Variants in SBF2 observed in about 807,000 individuals in gnomAD.
The protein encoded by SBF2 is SET binding factor 2, also known as myotubularin-related protein 13.
SBF2 carries 112 observed loss-of-function variants against 225.2 expected under a neutral mutation model. The observed-to-expected ratio is 0.50, with a 90% CI of 0.43 to 0.58. The LOEUF (loss-of-function observed/expected upper bound fraction) is 0.58, where lower values mean the gene tolerates loss of function less well. Ranked by LOEUF, SBF2 falls within the 20% of genes least tolerant of loss-of-function variation. The pLI, the probability that SBF2 is intolerant of heterozygous loss-of-function variation, is 0.00. For missense variants in SBF2, 1,996 were observed against 2,206.2 expected, an observed-to-expected ratio of 0.90 and a Z score of 1.91; for synonymous variants, 763 against 773.3, an observed-to-expected ratio of 0.99 and a Z score of 0.22.
chr11:10,170,567 T>C (rs1040798024), intron 2 of SBF2, among the ~76,000 whole-genome samples: 3 of 152,234 alleles, frequency 2.0e-5, no homozygotes, highest in African/African-American at 4.8e-5. Context: ...ATGTAATTCT[T>C]CCAGTTTTTT....
At chr11:10,233,524 C>T (rs753436238) in intron 1 of SBF2, among the ~76,000 whole-genome samples, 12 of 150,934 alleles carry the variant, frequency 8.0e-5, no homozygotes, top group Non-Finnish European at 1.6e-4. Flanking sequence ...TTTTCTTAAC[C>T]TCTTGGTGTA....
intron 10 of SBF2, among the ~76,000 whole-genome samples, chr11:9,993,659 G>A (rs1044606769): frequency 1.2e-4 from 19 of 152,152 alleles, no homozygotes; most frequent in African/African-American, 3.9e-4. Context: ...TCTAGGCTCT[G>A]ATTTTCTGTC....
At chr11:10,123,149 C>T (rs886300509) in intron 2 of SBF2, among the ~76,000 whole-genome samples, 5 of 152,080 alleles carry the variant, frequency 3.3e-5, no homozygotes, top group African/African-American at 1.2e-4. Flanking sequence ...AAGGAAACAT[C>T]AGGGTTAGAG....
chr11:10,220,857 A>G (rs1020962506), intron 1 of SBF2, among the ~76,000 whole-genome samples: 2 of 152,040 alleles, frequency 1.3e-5, no homozygotes, highest in Non-Finnish European at 2.9e-5. Flanking sequence ...CCCCACATAC[A>G]TATTTGTGTT....
At chr11:9,796,451 A>G (rs964388870) in intron 32 of SBF2, among the ~76,000 whole-genome samples, 1 of 152,218 alleles carries the variant, frequency 6.6e-6, no homozygotes, top group African/African-American at 2.4e-5. Context: ...ACATACAACA[A>G]GAAAAATTGT....
intron 16 of SBF2, among the ~76,000 whole-genome samples, chr11:9,931,370 G>T (rs1300098955): frequency 6.6e-6 from 1 of 152,230 alleles, no homozygotes; most frequent in Non-Finnish European, 1.5e-5. Flanking sequence ...ACAGACACCT[G>T]ATATAGATGG....
At chr11:9,857,009 G>A (rs1280353539) in intron 18 of SBF2, among the ~76,000 whole-genome samples, 1 of 152,026 alleles carries the variant, frequency 6.6e-6, no homozygotes, top group Non-Finnish European at 1.5e-5. Flanking sequence ...GGATGGTCTC[G>A]ATCTCCTGAC....
intron 27 of SBF2, among the ~76,000 whole-genome samples, chr11:9,831,280 T>A (rs1300864995): frequency 1.3e-5 from 2 of 152,244 alleles, no homozygotes; most frequent in Non-Finnish European, 2.9e-5. Context: ...ACTACAGGCA[T>A]GAGCCATTGC....
Position 9,807,059 on chromosome 11 carries a change from T to A in SBF2, c.4443+941A>T, listed in dbSNP as rs190741353. Reference sequence around the variant, plus strand: ...CCTGAAAACATAGTTCTGCCTTTCTTTCCAATCGATATTTGAGGCCAGTGT... The same window carrying A: ...CCTGAAAACATAGTTCTGCCTTTCTATCCAATCGATATTTGAGGCCAGTGT... On this transcript the variant is annotated intron_variant, in intron 32 of 39. Coordinates refer to ENST00000256190, the MANE Select transcript of SBF2 (RefSeq NM_030962.4). Among the ~76,000 whole-genome samples, 5 of 152,326 alleles carry A rather than the reference T, an allele frequency of 3.3e-5. No individual in the cohort carries two copies. In the East Asian group the frequency reaches 7.7e-4, roughly 24 times the overall value.
At chr11:10,241,978 A>G (rs1959246494) in intron 1 of SBF2, among the ~76,000 whole-genome samples, 1 of 151,366 alleles carries the variant, frequency 6.6e-6, no homozygotes, top group South Asian at 2.1e-4. Context: ...CACCAGACTG[A>G]CCCTACTCCC....
At chr11:9,935,560 T>C (rs2134275099) in intron 16 of SBF2, among the ~76,000 whole-genome samples, 1 of 152,260 alleles carries the variant, frequency 6.6e-6, no homozygotes, top group East Asian at 1.9e-4. Context: ...CAAACTATAC[T>C]ACAAGGCTAC....
intron 1 of SBF2, chr11:10,272,378 C>G (rs373962670): frequency 1.9e-6 from 1 of 521,974 alleles, no homozygotes; most frequent in South Asian, 2.8e-5. Flanking sequence ...ACACAATTTC[C>G]TTAAGTCTTG....
At chr11:10,214,567 G>A (rs946686245) in intron 1 of SBF2, among the ~76,000 whole-genome samples, 10 of 152,152 alleles carry the variant, frequency 6.6e-5, no homozygotes, top group African/African-American at 2.4e-4. Flanking sequence ...AGGTTGCAGT[G>A]AGCCAAGATG....
chr11:10,205,390 T>C (rs1368272687), intron 1 of SBF2, among the ~76,000 whole-genome samples: 1 of 151,942 alleles, frequency 6.6e-6, no homozygotes, highest in African/African-American at 2.4e-5. Flanking sequence ...TATAAGCCTA[T>C]AAATAACACA....
At chr11:10,234,222 T>C (rs1361009307) in intron 1 of SBF2, among the ~76,000 whole-genome samples, 1 of 152,226 alleles carries the variant, frequency 6.6e-6, no homozygotes, top group Non-Finnish European at 1.5e-5. Context: ...GAGATGTTGG[T>C]TGAGGTAGTT....
chr11:10,047,441 T>G (rs184771738), intron 2 of SBF2, among the ~76,000 whole-genome samples: 2 of 152,166 alleles, frequency 1.3e-5, no homozygotes, highest in African/African-American at 4.8e-5. Context: ...CAAAACAGAA[T>G]AGAGAGCCCG....
chr11:10,154,137 T>C (rs1955355479), intron 2 of SBF2, among the ~76,000 whole-genome samples: 1 of 151,174 alleles, frequency 6.6e-6, no homozygotes, highest in Non-Finnish European at 1.5e-5. Context: ...TTTTCAAAGT[T>C]GTTTTGCCTA....
chr11:9,968,118 TG>T (rs960602472), intron 14 of SBF2, among the ~76,000 whole-genome samples: 7 of 151,934 alleles, frequency 4.6e-5, no homozygotes, highest in African/African-American at 1.7e-4. Flanking sequence ...TCAATAAAGC[TG>T]TTATTAAAAA....
chr11:10,062,764 T>C (rs934884798), intron 2 of SBF2, among the ~76,000 whole-genome samples: 5 of 152,120 alleles, frequency 3.3e-5, no homozygotes, highest in African/African-American at 1.2e-4. Flanking sequence ...TTCAACCATT[T>C]TGGAAAGCAG....
Sources: allele counts gnomAD v4.1 joint callset (sites outside exome capture counted in the v4.1 genomes callset), GRCh38; gene constraint gnomAD v4.1.1; transcripts MANE v1.5; gene names NCBI Gene and HGNC (gene_info 2026-07-23, HGNC 2026-07-21).